The following ANO10 variants were observed in gnomAD, a reference collection of about 807,000 sequenced individuals.
The protein encoded by ANO10 is anoctamin 10, also known as anoctamin-10.
ANO10 carries 77 observed loss-of-function variants against 74.7 expected under a neutral mutation model. The observed-to-expected ratio is 1.03, with a 90% CI of 0.86 to 1.25. The LOEUF (loss-of-function observed/expected upper bound fraction) is 1.25, where lower values mean the gene tolerates loss of function less well. Among genes scored for constraint, ANO10 ranks in the 50% most tolerant of loss-of-function variants. The pLI, the probability that ANO10 is intolerant of heterozygous loss-of-function variation, is 0.00. For missense variants in ANO10, 721 were observed against 778.1 expected (o/e 0.93, Z 0.87); for synonymous variants, 279 against 284.9 (o/e 0.98, Z 0.21).
intron 1 of ANO10, among the ~76,000 whole-genome samples, chr3:43,638,170 C>A (rs1217910056): frequency 6.6e-6 from 1 of 152,158 alleles, no homozygotes; most frequent in Non-Finnish European, 1.5e-5. Context: ...CATTGACTAA[C>A]CAGGCTATAA....
chr3:43,370,155 C>T lies in ANO10; in HGVS notation c.1915-3181G>A, dbSNP rs548289204. ...ACAGCCCTGGCCCAAGAGCACTTCC[C>T]ACACCCTCCCCGATGGGGAAGTGGT... is the stretch of plus-strand genomic sequence containing the variant. On this transcript the variant is annotated intron_variant, in intron 12 of 12. Coordinates refer to ENST00000292246, the MANE Select transcript of ANO10 (RefSeq NM_018075.5). Among the ~76,000 whole-genome samples, 15 of 152,292 alleles carry T rather than the reference C, an allele frequency of 9.8e-5. No individual in the cohort carries two copies. In the East Asian group the frequency reaches 2.7e-3, roughly 27 times the overall value.
chr3:43,616,164 CAG>C (rs2083093641), intron 1 of ANO10, among the ~76,000 whole-genome samples: 1 of 152,140 alleles, frequency 6.6e-6, no homozygotes, highest in East Asian at 1.9e-4. Context: ...TGCAAAGCTT[CAG>C]AGAGCTGGAC....
intron 11 of ANO10, among the ~76,000 whole-genome samples, chr3:43,530,339 G>C (rs1165067919): frequency 9.4e-6 from 1 of 106,082 alleles, no homozygotes; most frequent in East Asian, 2.7e-4. Flanking sequence ...TGAACGAAAA[G>C]TAAGCAGTAA....
At chr3:43,438,221 C>T (rs1336216590) in intron 11 of ANO10, among the ~76,000 whole-genome samples, 1 of 152,016 alleles carries the variant, frequency 6.6e-6, no homozygotes, top group Non-Finnish European at 1.5e-5. Flanking sequence ...TCATTTGAGA[C>T]CAGGATTTGA....
chr3:43,381,681 G>C (rs2091962721), intron 12 of ANO10, among the ~76,000 whole-genome samples: 1 of 152,102 alleles, frequency 6.6e-6, no homozygotes, highest in African/African-American at 2.4e-5. Flanking sequence ...AGTCAACAAA[G>C]AAACAACAGA....
Position 43,432,688 on chromosome 3 carries a change from T to A in ANO10, c.1837A>T (p.Ile613Leu). Residue 613 changes from isoleucine (I) to leucine (L), a missense_variant, in exon 12 of 13, where the codon ATA (isoleucine) becomes TTA (leucine). Coordinates refer to ENST00000292246, the MANE Select transcript of ANO10 (RefSeq NM_018075.5). ...TGGATATGCCGTGGCTTATCAGGTA[T>A]GGCAAATGCAAGTATAAACTTTAAA... Reference protein sequence around the residue: ...LALKFILAFAIPDKPRHIQMK... With the variant: ...LALKFILAFALPDKPRHIQMK... 1.9e-6 allele frequency: 3 copies of A among 1,613,958 alleles called. No homozygotes were observed. Among genetic ancestry groups the A allele is most frequent in the Non-Finnish European group, 2.5e-6 (3 of 1,179,906 alleles).
At chr3:43,415,767 C>T (rs1454378924) in intron 12 of ANO10, among the ~76,000 whole-genome samples, 1 of 152,088 alleles carries the variant, frequency 6.6e-6, no homozygotes, top group Non-Finnish European at 1.5e-5. Context: ...CTCACGAACT[C>T]CTGACCTCAA....
Position 43,488,208 on chromosome 3 carries a change from T to TA in ANO10, c.1798-55482dup, listed in dbSNP as rs1259171501. The stretch of plus-strand genomic sequence containing the variant: ...GACTCAAACGTTAGACCTAAAACCA[T>TA]AAAAACCCTAGAAGAAAACCTAGGC... On this transcript the variant is annotated intron_variant, in intron 11 of 12. Coordinates refer to ENST00000292246, the MANE Select transcript of ANO10 (RefSeq NM_018075.5). Among the ~76,000 whole-genome samples the TA allele has an allele frequency of 3.8e-4, 57 of 151,146 alleles. 1 individual carries two copies. Among genetic ancestry groups the TA allele is most frequent in the African/African-American group, 1.3e-3 (54 of 41,190 alleles).
intron 11 of ANO10, among the ~76,000 whole-genome samples, chr3:43,501,380 C>T (rs891439296): frequency 3.3e-5 from 5 of 152,166 alleles, no homozygotes; most frequent in African/African-American, 1.2e-4. Context: ...CATTAGGCAC[C>T]ACAACATTAC....
At chr3:43,504,617 T>C (rs1283442903) in intron 11 of ANO10, among the ~76,000 whole-genome samples, 1 of 152,058 alleles carries the variant, frequency 6.6e-6, no homozygotes, top group Non-Finnish European at 1.5e-5. Flanking sequence ...TTCAACAAAA[T>C]ATCAGAGAAA....
intron 7 of ANO10, among the ~76,000 whole-genome samples, chr3:43,566,254 G>T (rs1295521010): frequency 6.6e-6 from 1 of 152,208 alleles, no homozygotes; most frequent in Admixed American, 6.6e-5. Context: ...CAGCGAGGCT[G>T]GGGGAGGGGC....
chr3:43,520,285 C>T (rs1349723579), intron 11 of ANO10, among the ~76,000 whole-genome samples: 3 of 152,144 alleles, frequency 2.0e-5, no homozygotes, highest in Non-Finnish European at 4.4e-5. Context: ...AAACAAAATG[C>T]CATATACTTG....
At chr3:43,456,404 C>A (rs1428709844) in intron 11 of ANO10, among the ~76,000 whole-genome samples, 1 of 152,212 alleles carries the variant, frequency 6.6e-6, no homozygotes, top group Non-Finnish European at 1.5e-5. Flanking sequence ...AGCTCTTGCA[C>A]ACATCCACAA....
intron 1 of ANO10, among the ~76,000 whole-genome samples, chr3:43,677,014 T>C (rs1440287676): frequency 6.6e-6 from 1 of 152,128 alleles, no homozygotes; most frequent in African/African-American, 2.4e-5. Flanking sequence ...TGATTTACGT[T>C]CTATCAAAAA....
At chr3:43,386,655 G>A (rs1306912829) in intron 12 of ANO10, among the ~76,000 whole-genome samples, 1 of 132,082 alleles carries the variant, frequency 7.6e-6, no homozygotes, top group African/African-American at 2.6e-5. Flanking sequence ...GTACGTGTGT[G>A]TGTGTGTGTG....
intron 11 of ANO10, among the ~76,000 whole-genome samples, chr3:43,465,044 T>C (rs1441187764): frequency 1.3e-5 from 2 of 152,222 alleles, no homozygotes; most frequent in Non-Finnish European, 1.5e-5. Context: ...CTATAGATTA[T>C]AAATGAAGAA....
chr3:43,530,621 A>G (rs1345385375), intron 11 of ANO10, among the ~76,000 whole-genome samples: 1 of 152,044 alleles, frequency 6.6e-6, no homozygotes, highest in Non-Finnish European at 1.5e-5. Flanking sequence ...AAGAGACCCC[A>G]CATTCACATA....
Position 43,489,209 on chromosome 3 carries a change from T to C in ANO10, c.1798-56482A>G, listed in dbSNP as rs867595509. 2.2e-4 allele frequency among the ~76,000 whole-genome samples: 32 copies of C among 148,256 alleles called. No individual in the cohort carries two copies. In the East Asian group the frequency reaches 4.1e-3, roughly 19 times the overall value. The stretch of plus-strand genomic sequence containing the variant: ...GGGGGAGGGATAGCATTGGGAGATA[T>C]ACCTAATGCTAGATGAGGAGTTAGT... On this transcript the variant is annotated intron_variant, in intron 11 of 12. Coordinates refer to ENST00000292246, the MANE Select transcript of ANO10 (RefSeq NM_018075.5).
chr3:43,534,425 T>G (rs2078607606), intron 11 of ANO10, among the ~76,000 whole-genome samples: 1 of 152,092 alleles, frequency 6.6e-6, no homozygotes, highest in South Asian at 2.1e-4. Context: ...TTTTCAGAAC[T>G]CTGTTCACGT....
Sources: gnomAD v4.1 joint callset for allele counts (sites outside exome capture counted in the v4.1 genomes callset) on GRCh38, gnomAD v4.1.1 for gene constraint, MANE v1.5 for transcripts, NCBI Gene and HGNC (gene_info 2026-07-23, HGNC 2026-07-21) for gene names.